Variants in SHISA9 observed in about 807,000 individuals in gnomAD.
SHISA9 encodes protein shisa-9.
Under a neutral mutation model 38.0 loss-of-function variants are expected in SHISA9, and 13 were observed. That is an observed-to-expected ratio of 0.34 (90% confidence interval 0.22 to 0.54). SHISA9 has a LOEUF of 0.54. Ranked by LOEUF, SHISA9 falls within the 20% of genes least tolerant of loss-of-function variation. SHISA9 has a pLI of 0.91. For synonymous variants in SHISA9, 275 were observed against 242.0 expected, an observed-to-expected ratio of 1.14 and a Z score of -1.27; for missense variants, 538 against 575.8, an observed-to-expected ratio of 0.93 and a Z score of 0.67.
the SHISA9 span, among the ~76,000 whole-genome samples, chr16:13,373,037 C>T: frequency 6.6e-6 from 1 of 152,052 alleles, no homozygotes; most frequent in Non-Finnish European, 1.5e-5. Context: ...CCTTGGAGGC[C>T]ATAGCACCCT....
At chr16:13,172,817 A>G (rs1248592178) in intron 2 of SHISA9, among the ~76,000 whole-genome samples, 5 of 149,184 alleles carry the variant, frequency 3.4e-5, no homozygotes, top group African/African-American at 5.0e-5. Context: ...GCGGGATTGT[A>G]ATGAACTGGT....
chr16:13,203,482 C>G lies in SHISA9; in HGVS notation c.780C>G (p.Ile260Met), dbSNP rs1428506683. Residue 260 changes from isoleucine to methionine, a missense_variant, in exon 3 of 5, where the codon ATC becomes ATG. Physicochemically the swap from Ile to Met is conservative, Grantham distance 10. This residue lies in a region of SHISA9 where 326 missense variants were observed against 305.9 expected (regional missense o/e 1.07). Coordinates refer to ENST00000558583, the MANE Select transcript of SHISA9 (RefSeq NM_001145204.3). ...HPHSYPNLGQ[I>M]SNPYEQQPPG... ...ATTCGTACCCGAACCTGGGCCAGAT[C>G]TCCAACCCCTATGAACAGCAGCCAC... The G allele has an allele frequency of 3.2e-6, 5 of 1,551,192 alleles. No homozygotes were observed. The highest frequency in any genetic ancestry group is 4.4e-6 in the Non-Finnish European group (5 of 1,146,758).
At chr16:13,037,539 G>A (rs2073089177) in intron 2 of SHISA9, among the ~76,000 whole-genome samples, 1 of 152,026 alleles carries the variant, frequency 6.6e-6, no homozygotes. Flanking sequence ...TGGTGGATGA[G>A]AGAATGGGGG....
chr16:13,529,004 G>C, the SHISA9 span, among the ~76,000 whole-genome samples: 290 of 152,228 alleles, frequency 1.9e-3, 1 homozygote, highest in Non-Finnish European at 3.3e-3. Context: ...AAGCTTCCCA[G>C]CTGACTGAAC....
rs550993486 is a variant in SHISA9, at chr16:13,070,544, A to G, written c.692-132850A>G. ...GCTGCTAGGGCTTCTCAGCCTGGGA[A>G]GGAATTCCTGTCCTAATGAGGATTC... On this transcript the variant is annotated intron_variant, in intron 2 of 4. Coordinates refer to ENST00000558583, the MANE Select transcript of SHISA9 (RefSeq NM_001145204.3). Among the ~76,000 whole-genome samples the G allele has an allele frequency of 6.7e-4, 102 of 152,276 alleles. 1 individual carries two copies. Among genetic ancestry groups the G allele is most frequent in the African/African-American group, 2.3e-3 (96 of 41,578 alleles).
intron 2 of SHISA9, among the ~76,000 whole-genome samples, chr16:13,164,082 G>T (rs1488102193): frequency 3.3e-5 from 5 of 151,958 alleles, no homozygotes; most frequent in Non-Finnish European, 7.4e-5. Context: ...GATACGTGTT[G>T]GATCTCCCAC....
rs57415975 is a variant in SHISA9 at position 13,058,751 on chromosome 16, TTG to T, written c.691+141967_691+141968del. 9.1e-3 allele frequency among the ~76,000 whole-genome samples: 1,319 copies of T among 144,156 alleles called. 10 individuals carry two copies. Among genetic ancestry groups the T allele is most frequent in the African/African-American group, 0.023 (919 of 39,596 alleles). The allele number at this position is 144,156 out of a possible 152,430, so 94.6% of individuals were successfully genotyped here. A position where few individuals can be genotyped will look rare whatever the true frequency, so the allele number is the denominator to read the frequency against. On this transcript the variant is annotated intron_variant, in intron 2 of 4. Coordinates refer to ENST00000558583, the MANE Select transcript of SHISA9 (RefSeq NM_001145204.3). ...GTCATTGACCAGTGGTGTGGTGTATTTGTGTGTGTGTGTGTGTGTGTGTGTGT... is the reference window on the plus strand; with the variant it reads ...GTCATTGACCAGTGGTGTGGTGTATTTGTGTGTGTGTGTGTGTGTGTGTGT...
At chr16:13,190,702 CG>C (rs1170921110) in intron 2 of SHISA9, among the ~76,000 whole-genome samples, 1 of 152,118 alleles carries the variant, frequency 6.6e-6, no homozygotes, top group Non-Finnish European at 1.5e-5. Context: ...GCAGCACAAC[CG>C]GGATTTTGAA....
chr16:12,902,013 C>T lies in SHISA9; in HGVS notation c.-52C>T. On this transcript the variant is annotated 5_prime_UTR_variant, in exon 1 of 5. Coordinates refer to ENST00000558583, the MANE Select transcript of SHISA9 (RefSeq NM_001145204.3). Reference sequence around the variant, plus strand: ...GCTTCGGCCGCGCCTCGAGAGGCGGCCGCAGAGGCTCCAGCGGCGGCCGAG... The same window carrying T: ...GCTTCGGCCGCGCCTCGAGAGGCGGTCGCAGAGGCTCCAGCGGCGGCCGAG... The T allele has an allele frequency of 2.2e-6, 3 of 1,362,544 alleles. No individual in the cohort carries two copies. Among genetic ancestry groups the T allele is most frequent in the East Asian group, 3.1e-5 (1 of 31,768 alleles). The allele number at this position is 1,362,544 out of a possible 1,614,324, so 84.4% of individuals were successfully genotyped here.
intron 4 of SHISA9, among the ~76,000 whole-genome samples, chr16:13,226,701 C>T (rs2051282944): frequency 6.6e-6 from 1 of 152,158 alleles, no homozygotes. Flanking sequence ...GTTGGATTTT[C>T]TTGGTATCTG....
chr16:13,383,425 A>C, the SHISA9 span, among the ~76,000 whole-genome samples: 1 of 152,342 alleles, frequency 6.6e-6, no homozygotes, highest in South Asian at 2.1e-4. Context: ...ATATGGGGGA[A>C]GAATAGTATT....
At chr16:13,213,216 A>G in intron 3 of SHISA9, 37 bp from the exon 4 acceptor site, 6 of 1,548,084 alleles carry the variant, frequency 3.9e-6, no homozygotes, top group Non-Finnish European at 5.2e-6. Flanking sequence ...TGCCCTGCAA[A>G]CAGATCATCA....
intron 2 of SHISA9, among the ~76,000 whole-genome samples, chr16:13,134,966 G>T (rs2050336034): frequency 6.6e-6 from 1 of 152,108 alleles, no homozygotes; most frequent in South Asian, 2.1e-4. Flanking sequence ...TGCTCAGAAG[G>T]TACACATTTC....
chr16:13,037,366 C>G (rs917341899), intron 2 of SHISA9, among the ~76,000 whole-genome samples: 5 of 149,272 alleles, frequency 3.3e-5, no homozygotes, highest in African/African-American at 1.2e-4. Context: ...TTTTTTTTTT[C>G]TCTCTCTCGG....
rs141363373 is a variant in SHISA9, at chr16:12,948,278, C to G, written c.691+31463C>G. ...TGGTTTGACTATTTCTAAACAAAAC[C>G]AAGCTCTTGAACTATTATATGATAC... On this transcript the variant is annotated intron_variant, in intron 2 of 4. Coordinates refer to ENST00000558583, the MANE Select transcript of SHISA9 (RefSeq NM_001145204.3). 6.2e-3 allele frequency among the ~76,000 whole-genome samples: 940 copies of G among 152,220 alleles called. 9 individuals carry two copies. Among genetic ancestry groups the G allele is most frequent in the South Asian group, 0.018 (87 of 4,820 alleles).
intron 2 of SHISA9, among the ~76,000 whole-genome samples, chr16:12,922,752 T>G (rs556840546): frequency 6.9e-4 from 104 of 151,280 alleles, no homozygotes; most frequent in African/African-American, 2.3e-3. Context: ...ACTCCTGACC[T>G]CAGGTGATCC....
chr16:13,402,945 C>T, the SHISA9 span, among the ~76,000 whole-genome samples: 3 of 152,122 alleles, frequency 2.0e-5, no homozygotes, highest in Non-Finnish European at 2.9e-5. Context: ...AGTCAAACCC[C>T]GTCTCTACTA....
At chr16:13,433,933 T>C in the SHISA9 span, among the ~76,000 whole-genome samples, 1 of 152,202 alleles carries the variant, frequency 6.6e-6, no homozygotes, top group Non-Finnish European at 1.5e-5. Flanking sequence ...TAGATGTATG[T>C]ATGAAAGACA....
chr16:12,916,790 C>T lies in SHISA9; in HGVS notation c.666C>T (p.Asp222=). 6.4e-7 allele frequency: 1 copy of T among 1,551,860 alleles called. No homozygotes were observed. Among genetic ancestry groups the T allele is most frequent in the Non-Finnish European group, 8.7e-7 (1 of 1,147,020 alleles). The change falls in exon 2 of 5, where the codon GAC becomes GAT. Residue 222 remains aspartate (D), a synonymous_variant. Transcript: ENST00000558583. ...ACGTCCAGCATTATGAGAACATGGACACGAGAACCCCCATAAATAATCTTC... is the reference window on the plus strand; with the variant it reads ...ACGTCCAGCATTATGAGAACATGGATACGAGAACCCCCATAAATAATCTTC... ...VVHVQHYENM[D]TRTPINNLHA...
Sources: gnomAD v4.1 joint callset for allele counts (sites outside exome capture counted in the v4.1 genomes callset) on GRCh38, gnomAD v4.1.1 for gene constraint, gnomAD v4.1.1 regional missense constraint, MANE v1.5 for transcripts, NCBI Gene and HGNC (gene_info 2026-07-23, HGNC 2026-07-21) for gene names.